GPM6A: variants seen among roughly 807,000 people sequenced by gnomAD.
GPM6A encodes glycoprotein M6A.
GPM6A carries 7 observed loss-of-function variants against 32.1 expected under a neutral mutation model. That is an observed-to-expected ratio of 0.22 (90% CI 0.12 to 0.41). The LOEUF (loss-of-function observed/expected upper bound fraction) is 0.41, where lower values mean the gene tolerates loss of function less well. Ranked by LOEUF, GPM6A falls within the 10% of genes least tolerant of loss-of-function variation. The pLI is 1.00. For synonymous variants in GPM6A, 130 were observed against 123.4 expected (o/e 1.05, Z -0.35); for missense variants, 235 against 347.2 (o/e 0.68, Z 2.57).
intron 1 of GPM6A, among the ~76,000 whole-genome samples, chr4:175,746,889 G>A (rs1414392671): frequency 2.0e-5 from 3 of 152,106 alleles, no homozygotes; most frequent in Non-Finnish European, 4.4e-5. Context: ...TGATTAGCAA[G>A]TACTATAATT....
intron 1 of GPM6A, among the ~76,000 whole-genome samples, chr4:175,879,339 T>G (rs1560976617): frequency 1.3e-5 from 2 of 152,264 alleles, no homozygotes; most frequent in African/African-American, 4.8e-5. Context: ...ACTGTATTAG[T>G]CCCTTCTCAT....
At chr4:175,824,235 G>A (rs1445326628) in intron 1 of GPM6A, among the ~76,000 whole-genome samples, 1 of 152,090 alleles carries the variant, frequency 6.6e-6, no homozygotes, top group Admixed American at 6.6e-5. Flanking sequence ...CATTCTAGAC[G>A]TTCCTCTGCT....
intron 1 of GPM6A, among the ~76,000 whole-genome samples, chr4:175,713,253 A>C (rs1161696971): frequency 6.6e-6 from 1 of 152,102 alleles, no homozygotes; most frequent in Non-Finnish European, 1.5e-5. Context: ...CCCAGGCCGG[A>C]ATGCGATGGC....
chr4:175,774,297 T>C (rs987032089), intron 1 of GPM6A, among the ~76,000 whole-genome samples: 1 of 152,094 alleles, frequency 6.6e-6, no homozygotes, highest in Non-Finnish European at 1.5e-5. Flanking sequence ...AGTAATTAAC[T>C]CTTGGATTAA....
intron 1 of GPM6A, among the ~76,000 whole-genome samples, chr4:175,844,883 T>C (rs1736042580): frequency 6.6e-6 from 1 of 152,160 alleles, no homozygotes; most frequent in South Asian, 2.1e-4. Flanking sequence ...AGACAATTGC[T>C]ACTTCCTAAG....
chr4:175,785,196 C>T (rs1185149371), intron 1 of GPM6A, among the ~76,000 whole-genome samples: 2 of 152,158 alleles, frequency 1.3e-5, no homozygotes, highest in Admixed American at 6.5e-5. Flanking sequence ...AATCGCCATG[C>T]TATGAAAAGT....
chr4:175,832,990 A>G (rs540912207), intron 1 of GPM6A, among the ~76,000 whole-genome samples: 2 of 152,310 alleles, frequency 1.3e-5, no homozygotes, highest in African/African-American at 4.8e-5. Context: ...AGGAAATACA[A>G]TTGCCAACAG....
intron 2 of GPM6A, among the ~76,000 whole-genome samples, chr4:175,674,228 A>G (rs999812392): frequency 1.3e-5 from 2 of 152,162 alleles, no homozygotes; most frequent in Non-Finnish European, 2.9e-5. Flanking sequence ...CCCAGTCTGG[A>G]GTACAGTGGT....
intron 1 of GPM6A, among the ~76,000 whole-genome samples, chr4:175,763,294 G>T (rs753143401): frequency 2.0e-5 from 3 of 152,126 alleles, no homozygotes; most frequent in Non-Finnish European, 4.4e-5. Context: ...TTACAGGCAT[G>T]AGCCACTGTG....
At chr4:175,913,582 A>G (rs1738390394) in intron 1 of GPM6A, among the ~76,000 whole-genome samples, 1 of 151,876 alleles carries the variant, frequency 6.6e-6, no homozygotes, top group African/African-American at 2.4e-5. Flanking sequence ...ATCTCCCACT[A>G]CTCATCCACC....
chr4:175,998,930 C>T (rs1452278840), intron 1 of GPM6A, among the ~76,000 whole-genome samples: 2 of 152,218 alleles, frequency 1.3e-5, no homozygotes, highest in African/African-American at 4.8e-5. Context: ...AAAAGCTCTC[C>T]AAAATCAAAT....
chr4:175,744,004 A>G (rs1731995358), intron 1 of GPM6A, among the ~76,000 whole-genome samples: 1 of 152,002 alleles, frequency 6.6e-6, no homozygotes. Context: ...GAAGAGATGA[A>G]CAAAAAGGTT....
chr4:175,679,716 C>T (rs1434563325), intron 2 of GPM6A, among the ~76,000 whole-genome samples: 1 of 152,176 alleles, frequency 6.6e-6, no homozygotes, highest in Admixed American at 6.6e-5. Flanking sequence ...GTTAGTGACA[C>T]GGACTAATGG....
intron 1 of GPM6A, among the ~76,000 whole-genome samples, chr4:175,873,231 C>A (rs1736968217): frequency 6.6e-6 from 1 of 151,858 alleles, no homozygotes; most frequent in South Asian, 2.1e-4. Context: ...ATGTCACACA[C>A]AGGCATTCCT....
intron 1 of GPM6A, chr4:175,962,439 C>A (rs990432487): frequency 2.9e-6 from 2 of 695,632 alleles, no homozygotes; most frequent in Admixed American, 1.8e-5. Flanking sequence ...CTGCCACCAA[C>A]CTAGGACAAT....
chr4:175,729,957 A>G (rs1043133622), intron 1 of GPM6A, among the ~76,000 whole-genome samples: 3 of 148,280 alleles, frequency 2.0e-5, no homozygotes, highest in African/African-American at 7.4e-5. Context: ...TTATGTATAT[A>G]TATATAAAGT....
At chr4:175,698,518 C>T (rs1322373618) in intron 2 of GPM6A, among the ~76,000 whole-genome samples, 1 of 152,106 alleles carries the variant, frequency 6.6e-6, no homozygotes, top group Admixed American at 6.6e-5. Context: ...TAAGGCAGCC[C>T]TGCATAGCGT....
At chr4:175,642,687 C>T (rs1741217309) in intron 4 of GPM6A, among the ~76,000 whole-genome samples, 1 of 152,084 alleles carries the variant, frequency 6.6e-6, no homozygotes, top group Non-Finnish European at 1.5e-5. Flanking sequence ...GCCTCCTCTT[C>T]TCTCTGACCT....
intron 1 of GPM6A, among the ~76,000 whole-genome samples, chr4:175,926,767 AT>A (rs766806802): frequency 2.3e-4 from 35 of 152,312 alleles, no homozygotes; most frequent in Admixed American, 7.8e-4. Flanking sequence ...ATTATTGACA[AT>A]TCAAAAACAT....
Sources: gnomAD v4.1 joint callset for allele counts (sites outside exome capture counted in the v4.1 genomes callset) on GRCh38, gnomAD v4.1.1 for gene constraint, MANE v1.5 for transcripts, NCBI Gene and HGNC (gene_info 2026-07-23, HGNC 2026-07-21) for gene names.